NHSL3: variants seen among roughly 807,000 people sequenced by gnomAD.
NHSL3 encodes the protein NHS-like protein 3.
the NHSL3 span, chr1:32,754,290 C>T: frequency 3.5e-6 from 2 of 577,448 alleles, no homozygotes; most frequent in Non-Finnish European, 6.4e-6. Context: ...GTGGGGGGGT[C>T]GGGAATCCCC....
At chr1:32,750,772 C>T in the NHSL3 span, among the ~76,000 whole-genome samples, 16 of 151,948 alleles carry the variant, frequency 1.1e-4, no homozygotes, top group Middle Eastern at 6.8e-3. Context: ...TTCCAAAGTG[C>T]TGGGATTACA....
chr1:32,767,973 A>G, the NHSL3 span: 2 of 1,608,618 alleles, frequency 1.2e-6, no homozygotes, highest in East Asian at 2.2e-5. Flanking sequence ...CTTCCTCTCC[A>G]CTCCCCTCCC....
the NHSL3 span, chr1:32,765,582 T>G: frequency 6.8e-7 from 1 of 1,475,256 alleles, no homozygotes; most frequent in African/African-American, 1.4e-5. Context: ...ATGGGCGGGA[T>G]CAGTGGCGAA....
At chr1:32,772,147 G>A in the NHSL3 span, 1 of 1,613,338 alleles carries the variant, frequency 6.2e-7, no homozygotes, top group Non-Finnish European at 8.5e-7. Context: ...CGTGTCCCCT[G>A]AGACCCAGGC....
At chr1:32,767,071 A>G in the NHSL3 span, among the ~76,000 whole-genome samples, 2 of 152,124 alleles carry the variant, frequency 1.3e-5, no homozygotes, top group African/African-American at 2.4e-5. Context: ...CCAGGAGGCT[A>G]TCTCCTTGGT....
At chr1:32,744,999 A>C in the NHSL3 span, among the ~76,000 whole-genome samples, 5 of 151,928 alleles carry the variant, frequency 3.3e-5, no homozygotes, top group Non-Finnish European at 2.9e-5. Flanking sequence ...GGTGGCGTGC[A>C]CCTGTAGTCC....
chr1:32,764,802 T>C, the NHSL3 span, among the ~76,000 whole-genome samples: 1 of 151,546 alleles, frequency 6.6e-6, no homozygotes, highest in Admixed American at 6.6e-5. Context: ...TATTTTCATA[T>C]GAGATCGTGA....
the NHSL3 span, chr1:32,772,011 T>C: frequency 1.2e-6 from 2 of 1,603,100 alleles, no homozygotes; most frequent in East Asian, 2.2e-5. Flanking sequence ...TGGCCGCCAG[T>C]GAAGGCCTCT....
At chr1:32,767,765 C>T in the NHSL3 span, 7 of 1,587,092 alleles carry the variant, frequency 4.4e-6, no homozygotes, top group South Asian at 7.9e-5. Context: ...ACCTCATTTC[C>T]CTTCCTCCTC....
chr1:32,753,365 G>C, the NHSL3 span, among the ~76,000 whole-genome samples: 4 of 151,774 alleles, frequency 2.6e-5, no homozygotes, highest in Admixed American at 2.0e-4. Flanking sequence ...CGCACCTGTA[G>C]TCCCAGCTAC....
chr1:32,750,696 C>T, the NHSL3 span, among the ~76,000 whole-genome samples: 6 of 151,630 alleles, frequency 4.0e-5, no homozygotes, highest in East Asian at 1.9e-4. Flanking sequence ...TTAGTAGAGA[C>T]GGGGTTTCAC....
the NHSL3 span, chr1:32,768,863 C>A: frequency 2.0e-6 from 3 of 1,475,754 alleles, no homozygotes; most frequent in Non-Finnish European, 2.8e-6. Flanking sequence ...AGTGTTTCAC[C>A]AGGCTCTCTG....
At chr1:32,754,576 G>A in the NHSL3 span, among the ~76,000 whole-genome samples, 13,706 of 152,102 alleles carry the variant, frequency 0.09, 685 homozygotes, top group South Asian at 0.11. Context: ...CAGACACACA[G>A]GCACACAGTC....
At chr1:32,753,377 CG>C in the NHSL3 span, among the ~76,000 whole-genome samples, 3 of 151,264 alleles carry the variant, frequency 2.0e-5, no homozygotes, top group South Asian at 4.2e-4. Flanking sequence ...CCCAGCTACT[CG>C]GGAGGCTGAG....
At chr1:32,759,430 A>C in the NHSL3 span, among the ~76,000 whole-genome samples, 1 of 152,340 alleles carries the variant, frequency 6.6e-6, no homozygotes, top group East Asian at 1.9e-4. Flanking sequence ...GAAAGGGATT[A>C]TTATGTCATT....
the NHSL3 span, among the ~76,000 whole-genome samples, chr1:32,742,600 G>A: frequency 1.4e-4 from 22 of 152,260 alleles, no homozygotes; most frequent in Admixed American, 1.4e-3. Flanking sequence ...GGGACCCTCT[G>A]GGTCTGGAAG....
chr1:32,759,248 G>A, the NHSL3 span, among the ~76,000 whole-genome samples: 1 of 152,240 alleles, frequency 6.6e-6, no homozygotes, highest in South Asian at 2.1e-4. Flanking sequence ...GGGGACTGAG[G>A]CCCAGAGAGG....
At chr1:32,767,928 A>C in the NHSL3 span, 38 of 1,613,928 alleles carry the variant, frequency 2.4e-5, no homozygotes, top group Non-Finnish European at 2.9e-5. Context: ...ACTCAGGCCC[A>C]GGAGGGGCTC....
chr1:32,742,149 G>A, the NHSL3 span: 2 of 1,244,348 alleles, frequency 1.6e-6, no homozygotes, highest in Non-Finnish European at 1.0e-6. Context: ...GGGCCAAGAA[G>A]GCGGAGGACA....
Sources: gnomAD v4.1 joint callset for allele counts (sites outside exome capture counted in the v4.1 genomes callset) on GRCh38, gnomAD v4.1.1 for gene constraint, MANE v1.5 for transcripts, NCBI Gene and HGNC (gene_info 2026-07-23, HGNC 2026-07-21) for gene names.